The following TFG variants were observed in gnomAD, a reference collection of about 807,000 sequenced individuals.
The protein encoded by TFG is trafficking from ER to golgi regulator.
TFG carries 22 observed loss-of-function variants against 51.4 expected under a neutral mutation model. The ratio of observed to expected loss-of-function variants is 0.43; its 90% CI spans 0.31 to 0.61. TFG has a LOEUF of 0.61. Ranked by LOEUF, TFG falls within the 20% of genes least tolerant of loss-of-function variation. The pLI, the probability that TFG is intolerant of heterozygous loss-of-function variation, is 0.12. For synonymous variants in TFG, 187 were observed against 165.6 expected (o/e 1.13, Z -0.99); for missense variants, 419 against 487.7 (o/e 0.86, Z 1.33).
At chr3:100,737,422 A>AC (rs2095109603) in intron 6 of TFG, among the ~76,000 whole-genome samples, 1 of 152,262 alleles carries the variant, frequency 6.6e-6, no homozygotes, top group Non-Finnish European at 1.5e-5. Context: ...CAGACTTCAC[A>AC]CAGCAGGCAC....
intron 7 of TFG, among the ~76,000 whole-genome samples, chr3:100,745,900 T>C (rs1331993594): frequency 2.0e-5 from 3 of 152,186 alleles, no homozygotes; most frequent in Non-Finnish European, 4.4e-5. Context: ...CAGAAGACCA[T>C]GTGGCCCACA....
chr3:100,713,604 T>C, intron 1 of TFG, 39 bp from the exon 2 acceptor site: 1 of 991,938 alleles, frequency 1.0e-6, no homozygotes, highest in South Asian at 2.9e-5. Context: ...ACTTTTACGG[T>C]ATGTTTTGTT....
At chr3:100,730,346 T>G (rs2095088100) in intron 4 of TFG, among the ~76,000 whole-genome samples, 2 of 152,212 alleles carry the variant, frequency 1.3e-5, no homozygotes, top group Admixed American at 6.5e-5. Flanking sequence ...TCTATATTTT[T>G]TATACATACT....
intron 5 of TFG, 31 bp from the exon 6 acceptor site, chr3:100,736,545 A>G (rs1481967747): frequency 6.2e-7 from 1 of 1,611,652 alleles, no homozygotes; most frequent in Non-Finnish European, 8.5e-7. Context: ...CTTGTGTTGG[A>G]TACTAAACTG....
intron 1 of TFG, among the ~76,000 whole-genome samples, chr3:100,710,798 G>C (rs1281098670): frequency 6.6e-6 from 1 of 152,218 alleles, no homozygotes; most frequent in Non-Finnish European, 1.5e-5. Flanking sequence ...AGAGCTTGTC[G>C]TAGGGCTCCT....
intron 5 of TFG, 28 bp downstream of exon 5, chr3:100,732,700 CCTT>C: frequency 6.5e-7 from 1 of 1,534,440 alleles, no homozygotes; most frequent in South Asian, 1.2e-5. Flanking sequence ...TCCTTTACAC[CCTT>C]CGTTTCCTTC....
At chr3:100,738,924 A>T (rs2095114031) in intron 6 of TFG, among the ~76,000 whole-genome samples, 1 of 152,180 alleles carries the variant, frequency 6.6e-6, no homozygotes, top group Admixed American at 6.5e-5. Flanking sequence ...TTTTTTTGGT[A>T]CTGTGTATTG....
chr3:100,739,842 C>T (rs2095116498), intron 6 of TFG, among the ~76,000 whole-genome samples: 1 of 152,174 alleles, frequency 6.6e-6, no homozygotes, highest in East Asian at 1.9e-4. Flanking sequence ...AACCACCATG[C>T]TGTTACTTAA....
At chr3:100,733,237 A>G (rs1376411374) in intron 5 of TFG, among the ~76,000 whole-genome samples, 1 of 152,050 alleles carries the variant, frequency 6.6e-6, no homozygotes, top group East Asian at 1.9e-4. Flanking sequence ...CTAATAACAC[A>G]TACATTGGAG....
Position 100,736,666 on chromosome 3 carries a change from C to T in TFG, c.671C>T (p.Pro224Leu). ...GCAGCTCACCCACCAGGCGTTCAGC[C>T]ACAGCAGCCACCATATACAGGAGCT... is the stretch of plus-strand genomic sequence containing the variant. ...SSAAHPPGVQ[P>L]QQPPYTGAQT... Residue 224 changes from proline to leucine, a missense_variant, in exon 6 of 8, where the codon CCA (proline) becomes CTA (leucine). By Grantham distance (98) the Pro-to-Leu change is moderately conservative. Transcript: ENST00000240851. 1 of 1,613,906 alleles carries T rather than the reference C, an allele frequency of 6.2e-7. No individual in the cohort carries two copies. The highest frequency in any genetic ancestry group is 8.5e-7 in the Non-Finnish European group (1 of 1,179,954).
chr3:100,715,153 T>C (rs760824621), intron 2 of TFG, among the ~76,000 whole-genome samples: 5 of 152,222 alleles, frequency 3.3e-5, no homozygotes, highest in Non-Finnish European at 7.3e-5. Flanking sequence ...CTGTCTGTGT[T>C]AGGGTTGGGC....
chr3:100,712,239 A>AT, intron 1 of TFG, among the ~76,000 whole-genome samples: 1 of 152,224 alleles, frequency 6.6e-6, no homozygotes, highest in Non-Finnish European at 1.5e-5. Flanking sequence ...GGGCATTAAT[A>AT]TATAATATTC....
At chr3:100,709,399 C>G (rs112759386), upstream of TFG, 2 of 152,522 alleles carry the variant, frequency 1.3e-5, no homozygotes, top group African/African-American at 4.8e-5. Flanking sequence ...CCCAGCCAGC[C>G]CTGCGCCTCG....
intron 6 of TFG, among the ~76,000 whole-genome samples, chr3:100,741,884 T>A (rs1308709351): frequency 6.6e-6 from 1 of 152,234 alleles, no homozygotes; most frequent in South Asian, 2.1e-4. Flanking sequence ...TGTAGACTGC[T>A]ATGTACCATA....
chr3:100,733,519 TTAAAAA>T (rs1305160343), intron 5 of TFG, among the ~76,000 whole-genome samples: 1 of 152,236 alleles, frequency 6.6e-6, no homozygotes, highest in Non-Finnish European at 1.5e-5. Context: ...GTTTGATTCT[TTAAAAA>T]TATTTAGCTG....
intron 7 of TFG, 83 bp from the exon 8 acceptor site, chr3:100,748,066 G>T: frequency 7.3e-7 from 1 of 1,361,078 alleles, no homozygotes; most frequent in Non-Finnish European, 1.0e-6. Flanking sequence ...ACCATTTTTG[G>T]TCCACCTAAC....
chr3:100,736,821 G>A, intron 6 of TFG, 105 bp downstream of exon 6: 6 of 1,254,292 alleles, frequency 4.8e-6, no homozygotes, highest in East Asian at 4.9e-5. Context: ...CTTAAACACA[G>A]GAAAAATTTT....
chr3:100,710,492 T>C (rs1451998785), intron 1 of TFG, among the ~76,000 whole-genome samples: 3 of 152,240 alleles, frequency 2.0e-5, no homozygotes, highest in Admixed American at 2.0e-4. Context: ...TTCTTTAGAA[T>C]AATTACAGGT....
chr3:100,729,329 AT>A lies in TFG; in HGVS notation c.415+472del, dbSNP rs2095084857. Among the ~76,000 whole-genome samples the A allele has an allele frequency of 2.6e-5, 4 of 152,216 alleles. No homozygotes were observed. The South Asian group carries it at 8.3e-4, about 31-fold the overall frequency. ...ATTAGTAATGTTCATTAAAAATGGT[AT>A]GTTGTAAATTTGAAACACAGTTTTT... On this transcript the variant is annotated intron_variant, in intron 4 of 7. Coordinates refer to ENST00000240851, the MANE Select transcript of TFG (RefSeq NM_006070.6).
Sources: gnomAD v4.1 joint callset for allele counts (sites outside exome capture counted in the v4.1 genomes callset) on GRCh38, gnomAD v4.1.1 for gene constraint, MANE v1.5 for transcripts, NCBI Gene and HGNC (gene_info 2026-07-23, HGNC 2026-07-21) for gene names.